The following XKR7 variants were observed in gnomAD, a reference collection of about 807,000 sequenced individuals.
XKR7 encodes XK related 7.
A neutral mutation model predicts 42.2 loss-of-function variants in XKR7; 11 were observed. The observed-to-expected ratio is 0.26, with a 90% CI of 0.16 to 0.43. XKR7 has a LOEUF of 0.43. Ranked by LOEUF, XKR7 falls within the 20% of genes least tolerant of loss-of-function variation. The pLI, the probability that XKR7 is intolerant of heterozygous loss-of-function variation, is 1.00. For missense variants in XKR7, 710 were observed against 802.2 expected, an observed-to-expected ratio of 0.89 and a Z score of 1.39; for synonymous variants, 346 against 366.4, an observed-to-expected ratio of 0.94 and a Z score of 0.64.
At chr20:31,993,721 G>C (rs529028769) in intron 1 of XKR7, among the ~76,000 whole-genome samples, 1 of 152,340 alleles carries the variant, frequency 6.6e-6, no homozygotes, top group Admixed American at 6.5e-5. Flanking sequence ...CAGCATGGGG[G>C]AGATGTGCAC....
At chr20:31,985,865 A>T (rs2064536566) in intron 1 of XKR7, among the ~76,000 whole-genome samples, 1 of 143,658 alleles carries the variant, frequency 7.0e-6, no homozygotes, top group South Asian at 2.4e-4. Context: ...CGGACCCAGC[A>T]TCCAGACACA....
Position 31,968,645 on chromosome 20 carries a change from C to T in XKR7, c.470C>T (p.Pro157Leu), listed in dbSNP as rs1318387296. ...CGGACCAAAGAAGGCAGCCCCGAGC[C>T]GGGTCCCCAGCCTGCGCCCTCCTCG... is the stretch of plus-strand genomic sequence containing the variant. ...AFRTKEGSPE[P>L]GPQPAPSSAS... Residue 157 changes from proline (P) to leucine (L), a missense_variant, in exon 1 of 3, where the codon CCG (proline) becomes CTG (leucine). Pro to Leu is a moderately conservative substitution (Grantham distance 98). Transcript: ENST00000562532. This position sits in a 1 kb window ranked among gnomAD's most constrained non-coding sequence, Gnocchi z 4.5. 6.3e-7 allele frequency: 1 copy of T among 1,585,772 alleles called. No homozygotes were observed. Among genetic ancestry groups the T allele is most frequent in the Non-Finnish European group, 8.5e-7 (1 of 1,172,790 alleles).
chr20:31,979,842 G>C (rs1021769701), intron 1 of XKR7, among the ~76,000 whole-genome samples: 2 of 152,134 alleles, frequency 1.3e-5, no homozygotes, highest in Admixed American at 6.5e-5. Flanking sequence ...AAGGCCTTGG[G>C]CTAGAGTATG....
At chr20:31,973,893 G>A (rs2064474611) in intron 1 of XKR7, among the ~76,000 whole-genome samples, 1 of 152,118 alleles carries the variant, frequency 6.6e-6, no homozygotes, top group Non-Finnish European at 1.5e-5. Context: ...CTGGCTGCTG[G>A]GTGGGGAATA....
rs757767562 is a variant in XKR7, at chr20:31,997,377, T to A, written c.1660T>A (p.Ser554Thr). The A allele has an allele frequency of 6.2e-7, 1 of 1,601,512 alleles. No homozygotes were observed. Among genetic ancestry groups the A allele is most frequent in the Non-Finnish European group, 8.5e-7 (1 of 1,179,922 alleles). ...GAAGACCATCCTGGCACTGGAGTAC[T>A]CCTCACCTGCCACGCCCCGGTTGCA... ...LRKTILALEYSSPATPRLQYR... is the reference protein window; with the variant it reads ...LRKTILALEYTSPATPRLQYR... The change falls in exon 3 of 3, where the codon TCC becomes ACC. Residue 554 changes from serine (S) to threonine (T), a missense_variant. Transcript: ENST00000562532.
intron 1 of XKR7, among the ~76,000 whole-genome samples, chr20:31,984,953 A>G (rs2064530782): frequency 5.9e-5 from 9 of 152,220 alleles, no homozygotes; most frequent in Admixed American, 5.9e-4. Context: ...TGAAATAAGG[A>G]TAATGGTAGT....
Position 31,997,068 on chromosome 20 carries a change from C to A in XKR7, c.1351C>A (p.Pro451Thr), listed in dbSNP as rs774928793. 1 of 1,613,828 alleles carries A rather than the reference C, an allele frequency of 6.2e-7. No homozygotes were observed. The highest frequency in any genetic ancestry group is 1.1e-5 in the South Asian group (1 of 91,088). ...TGGGCCCATGCTGGGTCCCCAGGCACCTGGTTGCATCTTCCGTAAGGCCTC... is the reference window on the plus strand; with the variant it reads ...TGGGCCCATGCTGGGTCCCCAGGCAACTGGTTGCATCTTCCGTAAGGCCTC... ...PNGPMLGPQA[P>T]GCIFRKASEP... Residue 451 changes from proline to threonine, a missense_variant, in exon 3 of 3, where the codon CCT becomes ACT. By Grantham distance (38) the Pro-to-Thr change is conservative. Around this residue, in one of 2 missense-constraint regions of XKR7, gnomAD observed 708 missense variants for 786.2 expected, o/e 0.90. Transcript: ENST00000562532.
In XKR7 at chr20:31,996,708, T is replaced by A; in HGVS notation, c.991T>A (p.Phe331Ile). The A allele has an allele frequency of 6.2e-7, 1 of 1,612,340 alleles. No individual in the cohort carries two copies. The highest frequency in any genetic ancestry group is 8.5e-7 in the Non-Finnish European group (1 of 1,179,108). ...ASVYKLYFGI[F>I]IVAHWCVMTF... Reference sequence around the variant, plus strand: ...CGTCTACAAGCTCTATTTTGGCATCTTCATCGTGGCCCACTGGTGCGTCAT... The same window carrying A: ...CGTCTACAAGCTCTATTTTGGCATCATCATCGTGGCCCACTGGTGCGTCAT... Residue 331 changes from phenylalanine to isoleucine, a missense_variant, in exon 3 of 3, where the codon TTC becomes ATC. Phe to Ile is a conservative substitution (Grantham distance 21). This residue lies in a region of XKR7 where 708 missense variants were observed against 786.2 expected (regional missense o/e 0.90). Transcript: ENST00000562532.
At chr20:31,989,320 T>C (rs2064558525) in intron 1 of XKR7, among the ~76,000 whole-genome samples, 1 of 146,958 alleles carries the variant, frequency 6.8e-6, no homozygotes, top group Non-Finnish European at 1.5e-5. Context: ...AGTGGGACAG[T>C]GGTTTGAGAT....
Position 31,999,365 on chromosome 20 carries a change from C to G in XKR7, c.*1908C>G, listed in dbSNP as rs1393452405. On this transcript the variant is annotated 3_prime_UTR_variant, in exon 3 of 3. Coordinates refer to ENST00000562532, the MANE Select transcript of XKR7 (RefSeq NM_001011718.2). ...CAGACTGCCCACATACACACAAGCA[C>G]AAGCACAACCATGATACGGGTCACC... is the stretch of plus-strand genomic sequence containing the variant. 6.6e-6 allele frequency: 1 copy of G among 152,272 alleles called. No individual in the cohort carries two copies. Among genetic ancestry groups the G allele is most frequent in the Non-Finnish European group, 1.5e-5 (1 of 68,104 alleles). The allele number at this position is 152,272 out of a possible 1,614,324, so 9.4% of individuals were successfully genotyped here. A position where few individuals can be genotyped will look rare whatever the true frequency, so the allele number is the denominator to read the frequency against.
intron 1 of XKR7, among the ~76,000 whole-genome samples, chr20:31,992,025 G>A (rs1484923166): frequency 1.3e-5 from 2 of 152,222 alleles, no homozygotes; most frequent in African/African-American, 4.8e-5. Flanking sequence ...GCTGAGGCAG[G>A]AGAATCGCTT....
At chr20:31,981,346 A>G (rs1228834633) in intron 1 of XKR7, among the ~76,000 whole-genome samples, 1 of 152,172 alleles carries the variant, frequency 6.6e-6, no homozygotes, top group Non-Finnish European at 1.5e-5. Flanking sequence ...ACTGCACTCC[A>G]GCTTGGGCAA....
chr20:32,000,306 C>T lies in XKR7; in HGVS notation c.*2849C>T, dbSNP rs1158424894. 1 of 152,710 alleles carries T rather than the reference C, an allele frequency of 6.5e-6. No individual in the cohort carries two copies. Among genetic ancestry groups the T allele is most frequent in the African/African-American group, 2.4e-5 (1 of 41,422 alleles). 9.5% of individuals were successfully genotyped at this position (152,710 alleles called of 1,614,324 possible). A position where few individuals can be genotyped will look rare whatever the true frequency, so the allele number is the denominator to read the frequency against. ...GTTTTTCTTTCTGTGACACAATCTA[C>T]CTCAGCCAGTCTCTCCCCTAGCAGA... On this transcript the variant is annotated 3_prime_UTR_variant, in exon 3 of 3. Transcript: ENST00000562532.
At chr20:31,993,458 G>C (rs747597058) in intron 1 of XKR7, among the ~76,000 whole-genome samples, 1 of 152,176 alleles carries the variant, frequency 6.6e-6, no homozygotes, top group East Asian at 1.9e-4. Context: ...AGAGGGTCTT[G>C]CTCAAGATCA....
rs1187840366 is a variant in XKR7 at position 32,001,141 on chromosome 20, T to C, written c.*3684T>C. Reference sequence around the variant, plus strand: ...AACACCCTCCTAAGTACTCGAGTTCTGCAGGTTCTTCCCTTGGAATTAATC... The same window carrying C: ...AACACCCTCCTAAGTACTCGAGTTCCGCAGGTTCTTCCCTTGGAATTAATC... On this transcript the variant is annotated 3_prime_UTR_variant, in exon 3 of 3. Coordinates refer to ENST00000562532, the MANE Select transcript of XKR7 (RefSeq NM_001011718.2). 6.6e-6 allele frequency: 1 copy of C among 152,232 alleles called. No homozygotes were observed. The highest frequency in any genetic ancestry group is 2.4e-5 in the African/African-American group (1 of 41,440). 9.4% of individuals were successfully genotyped at this position (152,232 alleles called of 1,614,324 possible).
chr20:31,990,468 C>T (rs1290069289), intron 1 of XKR7, among the ~76,000 whole-genome samples: 8 of 152,186 alleles, frequency 5.3e-5, no homozygotes, highest in Non-Finnish European at 1.2e-4. Flanking sequence ...ACCTTTCCTC[C>T]CTCATCCTTA....
chr20:31,983,937 G>T (rs1206618426), intron 1 of XKR7, among the ~76,000 whole-genome samples: 1 of 140,010 alleles, frequency 7.1e-6, no homozygotes, highest in Non-Finnish European at 1.5e-5. Flanking sequence ...GACAGAGCAA[G>T]ACTCTGTCTC....
At chr20:31,989,482 T>C (rs1600661268) in intron 1 of XKR7, among the ~76,000 whole-genome samples, 1 of 151,790 alleles carries the variant, frequency 6.6e-6, no homozygotes. Flanking sequence ...ATCCTGCTGG[T>C]TGCCATGTGG....
chr20:31,997,046 G>A lies in XKR7; in HGVS notation c.1329G>A (p.Gly443=). 6.2e-7 allele frequency: 1 copy of A among 1,613,882 alleles called. No individual in the cohort carries two copies. The change falls in exon 3 of 3, where the codon GGG becomes GGA. Residue 443 remains glycine, a synonymous_variant. Coordinates refer to ENST00000562532, the MANE Select transcript of XKR7 (RefSeq NM_001011718.2). ...ACTACTGTCTCCTGCACCCCAATGG[G>A]CCCATGCTGGGTCCCCAGGCACCTG... is the stretch of plus-strand genomic sequence containing the variant. ...CVYYCLLHPN[G]PMLGPQAPGC...
Sources: gnomAD v4.1 joint callset for allele counts (sites outside exome capture counted in the v4.1 genomes callset) on GRCh38, gnomAD v4.1.1 for gene constraint, gnomAD v4.1.1 regional missense constraint, Gnocchi (gnomAD v3.1) non-coding constraint, MANE v1.5 for transcripts, NCBI Gene and HGNC (gene_info 2026-07-23, HGNC 2026-07-21) for gene names.